The following ADCY1 variants were observed in gnomAD, a reference collection of about 807,000 sequenced individuals.
ADCY1 encodes adenylate cyclase type 1.
A neutral mutation model predicts 105.4 loss-of-function variants in ADCY1; 28 were observed. The observed-to-expected ratio is 0.27, with a 90% CI of 0.20 to 0.36. The LOEUF is 0.36. Ranked by LOEUF, ADCY1 falls within the 10% of genes least tolerant of loss-of-function variation. The pLI, the probability that ADCY1 is intolerant of heterozygous loss-of-function variation, is 1.00. For synonymous variants in ADCY1, 655 were observed against 623.8 expected, an observed-to-expected ratio of 1.05 and a Z score of -0.75; for missense variants, 977 against 1,434.2, an observed-to-expected ratio of 0.68 and a Z score of 5.15.
At position 45,686,758 on chromosome 7, in the gene ADCY1, C is replaced by G; in HGVS notation, c.2454+85C>G. 6.6e-7 allele frequency: 1 copy of G among 1,509,514 alleles called. No individual in the cohort carries two copies. Among genetic ancestry groups the G allele is most frequent in the Non-Finnish European group, 8.9e-7 (1 of 1,127,634 alleles). The allele number at this position is 1,509,514 out of a possible 1,614,324, so 93.5% of individuals were successfully genotyped here. On this transcript the variant is annotated intron_variant, in intron 14 of 19. Coordinates refer to ENST00000297323, the MANE Select transcript of ADCY1 (RefSeq NM_021116.4). The surrounding 1 kb of genome is among the most constrained non-coding windows in gnomAD (Gnocchi z 4.3). ...AGCAAGCATCTGACGGGGGCTGCCA[C>G]AGACACCCACACGCCGTATGGCCCT...
chr7:45,575,209 T>G lies in ADCY1; in HGVS notation c.639+27T>G. The G allele has an allele frequency of 6.4e-7, 1 of 1,556,830 alleles. No homozygotes were observed. Among genetic ancestry groups the G allele is most frequent in the South Asian group, 1.2e-5 (1 of 82,634 alleles). Reference sequence around the variant, plus strand: ...TAAGTGCAGCCGCGCACCCCTCATCTGGTCTCGGACACACTTGCTGGGACG... The same window carrying G: ...TAAGTGCAGCCGCGCACCCCTCATCGGGTCTCGGACACACTTGCTGGGACG... On this transcript the variant is annotated intron_variant, in intron 1 of 19. Transcript: ENST00000297323. The surrounding 1 kb of genome is among the most constrained non-coding windows in gnomAD (Gnocchi z 4.7).
Position 45,574,403 on chromosome 7 carries a change from C to G in ADCY1, c.-141C>G, listed in dbSNP as rs1792248804. 6.9e-6 allele frequency: 1 copy of G among 144,458 alleles called. No homozygotes were observed. Among genetic ancestry groups the G allele is most frequent in the South Asian group, 2.1e-4 (1 of 4,702 alleles). 8.9% of individuals were successfully genotyped at this position (144,458 alleles called of 1,614,324 possible). A position where few individuals can be genotyped will look rare whatever the true frequency, so the allele number is the denominator to read the frequency against. On this transcript the variant is annotated 5_prime_UTR_variant, in exon 1 of 20. Coordinates refer to ENST00000297323, the MANE Select transcript of ADCY1 (RefSeq NM_021116.4). The surrounding 1 kb of genome is among the most constrained non-coding windows in gnomAD (Gnocchi z 7.0). ...GGGCGCGCGCGCGGGGCAGCCGGCG[C>G]CCCAACTCCGCCCGCCCCGCGCCCC...
chr7:45,682,693 G>A (rs539125627), intron 11 of ADCY1, among the ~76,000 whole-genome samples: 3 of 152,184 alleles, frequency 2.0e-5, no homozygotes, highest in Non-Finnish European at 4.4e-5. Flanking sequence ...AGAGGCAGAT[G>A]GGACAGGCTC....
chr7:45,663,596 G>A (rs1795187986), intron 8 of ADCY1, among the ~76,000 whole-genome samples: 1 of 152,144 alleles, frequency 6.6e-6, no homozygotes, highest in South Asian at 2.1e-4. Context: ...CAAGGCAGGC[G>A]GATCACGAGG....
intron 4 of ADCY1, among the ~76,000 whole-genome samples, chr7:45,645,438 A>G (rs964038457): frequency 1.7e-4 from 26 of 152,116 alleles, no homozygotes; most frequent in African/African-American, 5.8e-4. Context: ...TTGGGTTGAC[A>G]GGGTGGGCTG....
chr7:45,646,278 G>A (rs1200612848), intron 4 of ADCY1, among the ~76,000 whole-genome samples: 1 of 152,150 alleles, frequency 6.6e-6, no homozygotes, highest in Non-Finnish European at 1.5e-5. Context: ...GAGGGGTCCT[G>A]CCTTCAGTTT....
intron 3 of ADCY1, among the ~76,000 whole-genome samples, chr7:45,621,477 A>G (rs1793885346): frequency 6.6e-6 from 1 of 152,228 alleles, no homozygotes; most frequent in South Asian, 2.1e-4. Flanking sequence ...TAGAATACTT[A>G]AAAATTATTA....
At chr7:45,593,492 C>CT (rs1244754998) in intron 2 of ADCY1, among the ~76,000 whole-genome samples, 1 of 152,164 alleles carries the variant, frequency 6.6e-6, no homozygotes, top group African/African-American at 2.4e-5. Context: ...GGAGCCATGC[C>CT]TAGGTTCCCA....
Position 45,575,966 on chromosome 7 carries a change from A to G in ADCY1, c.639+784A>G, listed in dbSNP as rs979625618. ...AACTGCCCGGAGGTGGACGTGGACC[A>G]GAGGTCTTTGCCCCACGGCGGGGCT... On this transcript the variant is annotated intron_variant, in intron 1 of 19. Transcript: ENST00000297323. The surrounding 1 kb of genome is among the most constrained non-coding windows in gnomAD (Gnocchi z 4.7). Among the ~76,000 whole-genome samples, 1 of 152,104 alleles carries G rather than the reference A, an allele frequency of 6.6e-6. No homozygotes were observed. The highest frequency in any genetic ancestry group is 2.4e-5 in the African/African-American group (1 of 41,446).
At chr7:45,626,836 T>C (rs1416934635) in intron 4 of ADCY1, among the ~76,000 whole-genome samples, 1 of 152,190 alleles carries the variant, frequency 6.6e-6, no homozygotes, top group Non-Finnish European at 1.5e-5. Flanking sequence ...GACGGGGCCT[T>C]GCCCTAGTGC....
chr7:45,638,597 C>G (rs1794455367), intron 4 of ADCY1, among the ~76,000 whole-genome samples: 2 of 151,424 alleles, frequency 1.3e-5, no homozygotes, highest in Non-Finnish European at 2.9e-5. Context: ...TTGAGGAGCA[C>G]ATAGGAGGAT....
At chr7:45,598,247 C>T (rs1311217036) in intron 2 of ADCY1, among the ~76,000 whole-genome samples, 1 of 152,172 alleles carries the variant, frequency 6.6e-6, no homozygotes, top group Non-Finnish European at 1.5e-5. Flanking sequence ...CAGGGTGAGC[C>T]CGGGATCTTC....
chr7:45,622,785 G>T (rs764352008), intron 4 of ADCY1, 42 bp downstream of exon 4: 2 of 1,512,522 alleles, frequency 1.3e-6, no homozygotes, highest in Non-Finnish European at 9.1e-7. Flanking sequence ...AATTAGAATT[G>T]CTTCTGGAGT....
rs764052766 is a variant in ADCY1 at position 45,574,841 on chromosome 7, G to A, written c.298G>A (p.Val100Ile). The A allele has an allele frequency of 5.0e-6, 8 of 1,610,758 alleles. 1 individual carries two copies. In the South Asian group the frequency reaches 6.6e-5, roughly 13 times the overall value. Residue 100 changes from valine to isoleucine, a missense_variant, in exon 1 of 20, where the codon GTC becomes ATC. This residue lies in a region of ADCY1 where 209 missense variants were observed against 222.5 expected (regional missense o/e 0.94). Transcript: ENST00000297323. This position sits in a 1 kb window ranked among gnomAD's most constrained non-coding sequence, Gnocchi z 7.0. ...LAKGSHPVHC[V>I]LFLALLVVTN... ...CAAGGGCTCACACCCGGTGCACTGC[G>A]TCCTCTTCCTGGCGCTGCTCGTGGT...
intron 14 of ADCY1, among the ~76,000 whole-genome samples, chr7:45,698,843 C>T (rs1784934954): frequency 6.6e-6 from 1 of 152,198 alleles, no homozygotes; most frequent in South Asian, 2.1e-4. Context: ...CATGCATGAC[C>T]ATGGTCCTAT....
At chr7:45,614,108 T>TA (rs1793666286) in intron 3 of ADCY1, among the ~76,000 whole-genome samples, 3 of 152,178 alleles carry the variant, frequency 2.0e-5, no homozygotes, top group Admixed American at 1.3e-4. Flanking sequence ...CATCAACAAA[T>TA]ACAAAATACT....
chr7:45,659,412 G>C (rs1434565018), intron 6 of ADCY1, among the ~76,000 whole-genome samples: 1 of 152,204 alleles, frequency 6.6e-6, no homozygotes, highest in African/African-American at 2.4e-5. Flanking sequence ...ATAAACCTGC[G>C]AGCTCAGGCG....
At chr7:45,655,641 A>G (rs897415921) in intron 5 of ADCY1, among the ~76,000 whole-genome samples, 3 of 152,222 alleles carry the variant, frequency 2.0e-5, no homozygotes, top group African/African-American at 7.2e-5. Flanking sequence ...GGCAGAACCG[A>G]CTGGGAAAGA....
chr7:45,629,731 G>A (rs947393842), intron 4 of ADCY1, among the ~76,000 whole-genome samples: 3 of 152,298 alleles, frequency 2.0e-5, no homozygotes, highest in Middle Eastern at 3.4e-3. Context: ...TTGTTAGCCA[G>A]GATGGTCTTG....
Sources: gnomAD v4.1 joint callset for allele counts (sites outside exome capture counted in the v4.1 genomes callset) on GRCh38, gnomAD v4.1.1 for gene constraint, gnomAD v4.1.1 regional missense constraint, Gnocchi (gnomAD v3.1) non-coding constraint, MANE v1.5 for transcripts, NCBI Gene and HGNC (gene_info 2026-07-23, HGNC 2026-07-21) for gene names.